Variants in CCDC60 observed in about 807,000 individuals in gnomAD.
CCDC60 encodes coiled-coil domain-containing protein 60.
A neutral mutation model predicts 63.5 loss-of-function variants in CCDC60; 54 were observed. The ratio of observed to expected loss-of-function variants is 0.85; its 90% CI spans 0.68 to 1.07. The LOEUF (loss-of-function observed/expected upper bound fraction) is 1.07. CCDC60 is among the 50% of genes least tolerant of loss of function. The pLI, the probability that CCDC60 is intolerant of heterozygous loss-of-function variation, is 0.00. For synonymous variants in CCDC60, 206 were observed against 238.8 expected, an observed-to-expected ratio of 0.86 and a Z score of 1.27; for missense variants, 651 against 684.3, an observed-to-expected ratio of 0.95 and a Z score of 0.54.
At chr12:119,514,116 T>A (rs1952286800) in intron 7 of CCDC60, among the ~76,000 whole-genome samples, 1 of 152,078 alleles carries the variant, frequency 6.6e-6, no homozygotes, top group Non-Finnish European at 1.5e-5. Flanking sequence ...ATATTGATAA[T>A]CCTGACCCTG....
rs551035256 is a variant in CCDC60, at chr12:119,505,252, G to A, written c.832G>A (p.Glu278Lys). ...CCAGGTGACCAGCAGCAAGGACATT[G>A]AGGACAATGAGTCATCTTCAACCAA... ...NTQVTSSKDIEDNESSSTKPD... is the reference protein window; with the variant it reads ...NTQVTSSKDIKDNESSSTKPD... Residue 278 changes from glutamate (E) to lysine (K), a missense_variant, in exon 7 of 14, where the codon GAG (glutamate) becomes AAG (lysine). Coordinates refer to ENST00000327554, the MANE Select transcript of CCDC60 (RefSeq NM_178499.5). 14 of 1,613,030 alleles carry A rather than the reference G, an allele frequency of 8.7e-6. No homozygotes were observed. Among genetic ancestry groups the A allele is most frequent in the Non-Finnish European group, 1.2e-5 (14 of 1,180,040 alleles).
intron 13 of CCDC60, among the ~76,000 whole-genome samples, chr12:119,536,266 G>T (rs1953003089): frequency 1.3e-5 from 2 of 152,046 alleles, no homozygotes; most frequent in Admixed American, 6.6e-5. Flanking sequence ...CCATTTGCTT[G>T]GTACATCTTC....
chr12:119,476,562 A>G (rs1004206769), intron 3 of CCDC60, among the ~76,000 whole-genome samples: 16 of 152,174 alleles, frequency 1.1e-4, no homozygotes, highest in Admixed American at 2.0e-4. Flanking sequence ...GTGTCCCAGC[A>G]TCATCTCCAC....
chr12:119,354,301 G>C (rs1405653880), intron 1 of CCDC60, among the ~76,000 whole-genome samples: 2 of 152,142 alleles, frequency 1.3e-5, no homozygotes. Flanking sequence ...CCAATTGCTA[G>C]GCAATCCAAT....
intron 2 of CCDC60, among the ~76,000 whole-genome samples, chr12:119,445,433 C>CAAAAAAAAAAAAAAAAAAA (rs58415660): frequency 4.0e-4 from 11 of 27,198 alleles, no homozygotes; most frequent in East Asian, 1.3e-3. Context: ...GACTCCATCT[C>CAAAAAAAAAAAAAAAAAAA]AAAAAAAAAA....
rs139455538 is a variant in CCDC60 at position 119,387,208 on chromosome 12, G to A, written c.91-41475G>A. 3.9e-3 allele frequency among the ~76,000 whole-genome samples: 600 copies of A among 152,184 alleles called. 4 individuals carry two copies. Among genetic ancestry groups the A allele is most frequent in the South Asian group, 0.029 (139 of 4,808 alleles). On this transcript the variant is annotated intron_variant, in intron 1 of 13. Coordinates refer to ENST00000327554, the MANE Select transcript of CCDC60 (RefSeq NM_178499.5). ...TGATTAAAAACACTGAACTCTGCCC[G>A]AGTAATTGTGCCACACACATGAAAA...
At chr12:119,362,324 T>A (rs191602817) in intron 1 of CCDC60, among the ~76,000 whole-genome samples, 4 of 152,274 alleles carry the variant, frequency 2.6e-5, no homozygotes, top group African/African-American at 9.6e-5. Context: ...TATATACCTG[T>A]TAACCATGAC....
At chr12:119,429,796 G>A (rs1181619853) in intron 2 of CCDC60, 1 of 152,202 alleles carries the variant, frequency 6.6e-6, no homozygotes, top group Non-Finnish European at 1.5e-5. Flanking sequence ...ACTGCAGGGG[G>A]TGGCTGTGTC....
intron 4 of CCDC60, among the ~76,000 whole-genome samples, chr12:119,482,011 A>ATATATATGTATATATAG: frequency 6.8e-6 from 1 of 147,026 alleles, no homozygotes; most frequent in Admixed American, 6.9e-5. Context: ...TATATAGTAT[A>ATATATATGTATATATAG]TATATATGTA....
intron 1 of CCDC60, among the ~76,000 whole-genome samples, chr12:119,358,027 G>C (rs1417606149): frequency 6.6e-6 from 1 of 152,018 alleles, no homozygotes; most frequent in Non-Finnish European, 1.5e-5. Flanking sequence ...GGCAAGGCGA[G>C]CTACACACTT....
At chr12:119,351,616 C>T (rs1428471932) in intron 1 of CCDC60, among the ~76,000 whole-genome samples, 2 of 152,176 alleles carry the variant, frequency 1.3e-5, no homozygotes, top group African/African-American at 4.8e-5. Context: ...CTTGTAACAA[C>T]TTTATTGTAA....
chr12:119,490,286 T>C (rs906124322), intron 5 of CCDC60, among the ~76,000 whole-genome samples: 19 of 152,230 alleles, frequency 1.2e-4, no homozygotes, highest in Non-Finnish European at 2.2e-4. Context: ...TGGGATAATT[T>C]TAAAACTACA....
chr12:119,355,554 T>C (rs1394150329), intron 1 of CCDC60, among the ~76,000 whole-genome samples: 1 of 152,208 alleles, frequency 6.6e-6, no homozygotes, highest in Non-Finnish European at 1.5e-5. Context: ...AGCCTCAAAA[T>C]TGGGGCTTAG....
In CCDC60 at chr12:119,531,052, G is replaced by A. The variant is rs781511723; in HGVS notation, c.1540G>A (p.Val514Met). 3.7e-6 allele frequency: 6 copies of A among 1,613,874 alleles called. No individual in the cohort carries two copies. The South Asian group carries it at 6.6e-5, about 18-fold the overall frequency. ...IWELCSPDIA[V>M]AIEFVREHII... ...GGAACTGTGCTCCCCTGACATCGCTGTGGCTATTGAGGTAAACACCACCTC... is the reference window on the plus strand; with the variant it reads ...GGAACTGTGCTCCCCTGACATCGCTATGGCTATTGAGGTAAACACCACCTC... Residue 514 changes from valine to methionine, a missense_variant, in exon 13 of 14, where the codon GTG (valine) becomes ATG (methionine). By Grantham distance (21) the Val-to-Met change is conservative (BLOSUM62 1). Coordinates refer to ENST00000327554, the MANE Select transcript of CCDC60 (RefSeq NM_178499.5).
At position 119,489,068 on chromosome 12, in the gene CCDC60, C is replaced by T. The variant is rs116535068; in HGVS notation, c.557+202C>T. 2.9e-3 allele frequency among the ~76,000 whole-genome samples: 441 copies of T among 152,294 alleles called. 1 individual carries two copies. Among genetic ancestry groups the T allele is most frequent in the African/African-American group, 0.01 (426 of 41,552 alleles). On this transcript the variant is annotated intron_variant, in intron 5 of 13. Transcript: ENST00000327554. The stretch of plus-strand genomic sequence containing the variant: ...TCGTGGGAGCCGGTTGTGTGCATCT[C>T]CTTCCCACATCTCTTCCCAACTCCA...
chr12:119,375,085 G>C (rs1490849905), intron 1 of CCDC60, among the ~76,000 whole-genome samples: 1 of 152,040 alleles, frequency 6.6e-6, no homozygotes, highest in East Asian at 1.9e-4. Flanking sequence ...TAGCCTCCTG[G>C]GAATGCAGCC....
chr12:119,513,782 G>A (rs1012264872), intron 7 of CCDC60, among the ~76,000 whole-genome samples: 3 of 152,134 alleles, frequency 2.0e-5, no homozygotes, highest in African/African-American at 7.2e-5. Context: ...AATGATGCTG[G>A]TGTCAATAAA....
chr12:119,348,078 T>C (rs1450351832), intron 1 of CCDC60, among the ~76,000 whole-genome samples: 1 of 152,224 alleles, frequency 6.6e-6, no homozygotes, highest in East Asian at 1.9e-4. Context: ...AATTAGCACA[T>C]GACTGTCGCC....
intron 1 of CCDC60, among the ~76,000 whole-genome samples, chr12:119,339,277 T>C (rs1955506949): frequency 6.6e-6 from 1 of 152,170 alleles, no homozygotes; most frequent in African/African-American, 2.4e-5. Flanking sequence ...CATCCCCCTT[T>C]ATGTTCTAGA....
Sources: allele counts gnomAD v4.1 joint callset (sites outside exome capture counted in the v4.1 genomes callset), GRCh38; gene constraint gnomAD v4.1.1; transcripts MANE v1.5; gene names NCBI Gene and HGNC (gene_info 2026-07-23, HGNC 2026-07-21).